Variants in ADIPOR1 observed in about 807,000 individuals in gnomAD.
ADIPOR1 encodes the protein adiponectin receptor 1.
A neutral mutation model predicts 37.5 loss-of-function variants in ADIPOR1; 15 were observed. That is an observed-to-expected ratio of 0.40 (90% CI 0.27 to 0.62). The LOEUF (loss-of-function observed/expected upper bound fraction) is 0.62. Ranked by LOEUF, ADIPOR1 falls within the 20% of genes least tolerant of loss-of-function variation. The pLI is 0.42. For missense variants in ADIPOR1, 286 were observed against 478.0 expected (o/e 0.60, Z 3.75); for synonymous variants, 173 against 173.2 (o/e 1.00, Z 0.01).
At chr1:202,956,805 C>T (rs987557530) in intron 1 of ADIPOR1, among the ~76,000 whole-genome samples, 1 of 152,128 alleles carries the variant, frequency 6.6e-6, no homozygotes, top group East Asian at 1.9e-4. Context: ...GCCTAAAAGC[C>T]TACTTAAGGT....
In ADIPOR1 at chr1:202,951,229, C is replaced by G. The variant is rs1156649281; in HGVS notation, c.-94-65G>C. ...CCTCTTACAGTTTCATTTCTATACT[C>G]TAATACTGAATAAGAAGCTAATCAA... is the stretch of plus-strand genomic sequence containing the variant. On this transcript the variant is annotated intron_variant, in intron 1 of 7. Coordinates refer to ENST00000340990, the MANE Select transcript of ADIPOR1 (RefSeq NM_015999.6). The G allele has an allele frequency of 3.8e-6, 3 of 793,910 alleles. No individual in the cohort carries two copies. The highest frequency in any genetic ancestry group is 3.7e-4 in the Middle Eastern group (1 of 2,672). 49.2% of individuals were successfully genotyped at this position (793,910 alleles called of 1,614,324 possible).
In ADIPOR1 at chr1:202,951,161, GAC is replaced by G. The variant is rs1654567419; in HGVS notation, c.-93_-92del. On this transcript the variant is annotated splice_region_variant and 5_prime_UTR_variant, in exon 2 of 8. Transcript: ENST00000340990. Reference sequence around the variant, plus strand: ...GGGCAGAGATCTCCCTCTGATGGTAGACACTAAAAGAAAATACAAACATGAAG... The same window carrying G: ...GGGCAGAGATCTCCCTCTGATGGTAGACTAAAAGAAAATACAAACATGAAG... 1.4e-6 allele frequency: 2 copies of G among 1,477,090 alleles called. No homozygotes were observed. The allele number at this position is 1,477,090 out of a possible 1,614,324, so 91.5% of individuals were successfully genotyped here.
chr1:202,955,242 A>T (rs1539356), intron 1 of ADIPOR1, among the ~76,000 whole-genome samples: 12,028 of 132,752 alleles, frequency 0.091, 1,200 homozygotes, highest in African/African-American at 0.25. Context: ...TTTTTTTTTT[A>T]AAAGGGTCTT....
intron 1 of ADIPOR1, among the ~76,000 whole-genome samples, chr1:202,953,338 T>C (rs1446231557): frequency 6.6e-6 from 1 of 152,108 alleles, no homozygotes; most frequent in Non-Finnish European, 1.5e-5. Context: ...ACACTTAGCT[T>C]GTTACTTACT....
chr1:202,957,814 G>T (rs948429787), intron 1 of ADIPOR1, among the ~76,000 whole-genome samples: 2 of 152,180 alleles, frequency 1.3e-5, no homozygotes, highest in African/African-American at 4.8e-5. Flanking sequence ...CCCCACGCGC[G>T]GCGGCCTCGG....
At chr1:202,951,975 T>C (rs1001710447) in intron 1 of ADIPOR1, among the ~76,000 whole-genome samples, 4 of 152,142 alleles carry the variant, frequency 2.6e-5, no homozygotes, top group Non-Finnish European at 4.4e-5. Context: ...TTTCAGAAAC[T>C]AGAGACAGGC....
chr1:202,948,935 C>T (rs184840028), intron 2 of ADIPOR1, among the ~76,000 whole-genome samples: 67 of 151,926 alleles, frequency 4.4e-4, no homozygotes, highest in Non-Finnish European at 5.3e-4. Flanking sequence ...GGATTACAGG[C>T]GCCCACCACC....
At chr1:202,947,097 C>T (rs1423848794) in intron 3 of ADIPOR1, among the ~76,000 whole-genome samples, 1 of 151,860 alleles carries the variant, frequency 6.6e-6, no homozygotes, top group Non-Finnish European at 1.5e-5. Context: ...GCCTGGGCGA[C>T]CGAGCAAGAC....
intron 1 of ADIPOR1, among the ~76,000 whole-genome samples, chr1:202,957,323 G>A (rs1055710560): frequency 4.6e-5 from 7 of 152,004 alleles, no homozygotes; most frequent in African/African-American, 1.7e-4. Context: ...TTTCTAGCCC[G>A]TCTTCTGAAT....
In ADIPOR1 at chr1:202,942,162, C is replaced by A; in HGVS notation, c.862G>T (p.Ala288Ser). Reference protein sequence around the residue: ...GVVPTMHFTIAEGFVKATTVG... With the variant: ...GVVPTMHFTISEGFVKATTVG... The stretch of plus-strand genomic sequence containing the variant: ...GTGGTGGCCTTGACAAAGCCCTCAG[C>A]GATAGTAAAGTGCATGGTGGGCACG... The change falls in exon 7 of 8, where the codon GCT becomes TCT. Residue 288 changes from alanine to serine, a missense_variant. Coordinates refer to ENST00000340990, the MANE Select transcript of ADIPOR1 (RefSeq NM_015999.6). The A allele has an allele frequency of 1.2e-6, 2 of 1,614,112 alleles. No homozygotes were observed. The highest frequency in any genetic ancestry group is 1.7e-6 in the Non-Finnish European group (2 of 1,180,016).
In ADIPOR1 at chr1:202,941,301, T is replaced by A; in HGVS notation, c.*272A>T. ...GGAGAGGGTAAAATCTCAACATGAG[T>A]TTCAAAGTACTGTCTCTGTGAGGGG... is the stretch of plus-strand genomic sequence containing the variant. On this transcript the variant is annotated 3_prime_UTR_variant, in exon 8 of 8. Coordinates refer to ENST00000340990, the MANE Select transcript of ADIPOR1 (RefSeq NM_015999.6). 3.8e-6 allele frequency: 1 copy of A among 263,958 alleles called. No individual in the cohort carries two copies. The highest frequency in any genetic ancestry group is 7.1e-6 in the Non-Finnish European group (1 of 141,124). 16.4% of individuals were successfully genotyped at this position (263,958 alleles called of 1,614,324 possible). A position where few individuals can be genotyped will look rare whatever the true frequency, so the allele number is the denominator to read the frequency against.
rs183759035 is a variant in ADIPOR1 at position 202,947,388 on chromosome 1, G to A, written c.259-778C>T. Among the ~76,000 whole-genome samples the A allele has an allele frequency of 4.9e-3, 743 of 151,488 alleles. 7 individuals carry two copies. Among genetic ancestry groups the A allele is most frequent in the African/African-American group, 0.016 (679 of 41,428 alleles). On this transcript the variant is annotated intron_variant, in intron 3 of 7. Transcript: ENST00000340990. ...AATACAAAAATAAGCCAGGCGTGGT[G>A]GCACATGCCTGTAATCCCAGCTACT...
chr1:202,945,907 G>A (rs1654291931), intron 4 of ADIPOR1, among the ~76,000 whole-genome samples: 1 of 151,922 alleles, frequency 6.6e-6, no homozygotes, highest in South Asian at 2.1e-4. Flanking sequence ...ACTACATATT[G>A]AGTACAATGT....
chr1:202,957,914 T>C (rs1654846549), intron 1 of ADIPOR1, among the ~76,000 whole-genome samples: 1 of 152,184 alleles, frequency 6.6e-6, no homozygotes, highest in East Asian at 1.9e-4. Flanking sequence ...CTCACAGGAC[T>C]GCCGGGAGTC....
At position 202,958,280 on chromosome 1, in the gene ADIPOR1, C is replaced by G. The variant is rs1289491882; in HGVS notation, c.-190G>C. 6.6e-6 allele frequency: 1 copy of G among 152,238 alleles called. No homozygotes were observed. The highest frequency in any genetic ancestry group is 2.4e-5 in the African/African-American group (1 of 41,456). 9.4% of individuals were successfully genotyped at this position (152,238 alleles called of 1,614,324 possible). ...GCGGCCGAGCGGCCCCGATCTTCAGCGCCCTCCCCGCGCCGGAAGGGGCGC... is the reference window on the plus strand; with the variant it reads ...GCGGCCGAGCGGCCCCGATCTTCAGGGCCCTCCCCGCGCCGGAAGGGGCGC... On this transcript the variant is annotated 5_prime_UTR_variant, in exon 1 of 8. Coordinates refer to ENST00000340990, the MANE Select transcript of ADIPOR1 (RefSeq NM_015999.6).
chr1:202,955,141 T>G (rs554902683), intron 1 of ADIPOR1, among the ~76,000 whole-genome samples: 1 of 152,268 alleles, frequency 6.6e-6, no homozygotes, highest in East Asian at 1.9e-4. Flanking sequence ...ATATAGGGCC[T>G]CAGCTCTCCT....
At chr1:202,957,206 A>G (rs1654819385) in intron 1 of ADIPOR1, among the ~76,000 whole-genome samples, 1 of 152,190 alleles carries the variant, frequency 6.6e-6, no homozygotes, top group African/African-American at 2.4e-5. Context: ...ACTACTAGGA[A>G]AAGAGAAAAG....
At chr1:202,942,295 T>A in intron 6 of ADIPOR1, 77 bp from the exon 7 acceptor site, 2 of 1,383,628 alleles carry the variant, frequency 1.4e-6, no homozygotes, top group Non-Finnish European at 2.0e-6. Context: ...TACTCTGGAA[T>A]TTCAATGTTT....
chr1:202,945,258 G>A (rs1654263815), intron 4 of ADIPOR1, 89 bp from the exon 5 acceptor site: 1 of 1,198,580 alleles, frequency 8.3e-7, no homozygotes, highest in Non-Finnish European at 1.1e-6. Context: ...GAGAGCTACA[G>A]GCAACATCAC....
Sources: allele counts gnomAD v4.1 joint callset (sites outside exome capture counted in the v4.1 genomes callset), GRCh38; gene constraint gnomAD v4.1.1; transcripts MANE v1.5; gene names NCBI Gene and HGNC (gene_info 2026-07-23, HGNC 2026-07-21).